Variants in BMPER observed in about 807,000 individuals in gnomAD.
BMPER encodes the protein BMP binding endothelial regulator.
Under a neutral mutation model 87.3 loss-of-function variants are expected in BMPER, and 45 were observed. The observed-to-expected ratio is 0.52, with a 90% confidence interval of 0.41 to 0.66. BMPER has a LOEUF of 0.66. BMPER is among the 30% of genes least tolerant of loss of function. BMPER has a pLI of 0.00. For missense variants in BMPER, 784 were observed against 867.5 expected (o/e 0.90, Z 1.21); for synonymous variants, 326 against 316.2 (o/e 1.03, Z -0.33).
At chr7:34,013,757 T>C (rs1292819730) in intron 6 of BMPER, among the ~76,000 whole-genome samples, 1 of 151,878 alleles carries the variant, frequency 6.6e-6, no homozygotes, top group Non-Finnish European at 1.5e-5. Context: ...ATTTGTGGGT[T>C]CAGATGTTAG....
rs59317227 is a variant in BMPER at position 33,937,489 on chromosome 7, C to T, written c.319+101C>T. 4.2e-3 allele frequency: 4,948 copies of T among 1,167,782 alleles called. 144 individuals are homozygous for T. The African/African-American group carries it at 0.066, about 16-fold the overall frequency. 72.3% of individuals were successfully genotyped at this position (1,167,782 alleles called of 1,614,324 possible). A position where few individuals can be genotyped will look rare whatever the true frequency, so the allele number is the denominator to read the frequency against. ...TTTCACTCAGCTTTTGGCTGGGGTG[C>T]ACATGGGTGGGGAGGAGAAGTAGGG... is the stretch of plus-strand genomic sequence containing the variant. On this transcript the variant is annotated intron_variant, in intron 3 of 14. Coordinates refer to ENST00000649409, the MANE Select transcript of BMPER (RefSeq NM_001365308.1).
chr7:34,040,293 G>A (rs757841458), intron 6 of BMPER, among the ~76,000 whole-genome samples: 3 of 152,176 alleles, frequency 2.0e-5, no homozygotes, highest in Non-Finnish European at 1.5e-5. Flanking sequence ...GAAGGAACCA[G>A]TCCCTTATCT....
chr7:34,124,502 TG>T (rs1305497505), intron 13 of BMPER, among the ~76,000 whole-genome samples: 1 of 152,082 alleles, frequency 6.6e-6, no homozygotes, highest in Non-Finnish European at 1.5e-5. Flanking sequence ...TGGGTCTTTT[TG>T]TATAGTTTAA....
intron 6 of BMPER, among the ~76,000 whole-genome samples, chr7:34,031,927 T>TATATAC (rs767536977): frequency 6.3e-4 from 35 of 55,428 alleles, no homozygotes; most frequent in South Asian, 8.1e-4. Context: ...TATATATATA[T>TATATAC]ACACACACAC....
chr7:33,913,842 A>G (rs1784022678), intron 2 of BMPER, among the ~76,000 whole-genome samples: 1 of 152,126 alleles, frequency 6.6e-6, no homozygotes, highest in East Asian at 1.9e-4. Flanking sequence ...TTGGAGCACC[A>G]GCTCTCTCCT....
chr7:33,927,505 TA>T (rs1487610803), intron 2 of BMPER, among the ~76,000 whole-genome samples: 3 of 152,220 alleles, frequency 2.0e-5, no homozygotes, highest in African/African-American at 7.2e-5. Flanking sequence ...TGTGCATATT[TA>T]AAAGGTCCAT....
At chr7:34,105,551 A>G (rs537351530) in intron 13 of BMPER, among the ~76,000 whole-genome samples, 31 of 152,296 alleles carry the variant, frequency 2.0e-4, no homozygotes, top group Admixed American at 4.6e-4. Flanking sequence ...TTGATCGTCA[A>G]CTCACAAGTC....
intron 6 of BMPER, among the ~76,000 whole-genome samples, chr7:34,030,214 TTAAC>T (rs1462099490): frequency 8.5e-5 from 13 of 152,206 alleles, no homozygotes; most frequent in African/African-American, 3.1e-4. Context: ...ATAGACTTGT[TTAAC>T]TAATAATTGT....
intron 7 of BMPER, among the ~76,000 whole-genome samples, chr7:34,051,524 T>C (rs1788145569): frequency 6.6e-6 from 1 of 152,222 alleles, no homozygotes; most frequent in Admixed American, 6.5e-5. Flanking sequence ...TACTGTTGTA[T>C]TGAAACAGCC....
At chr7:34,028,054 G>T (rs555645148) in intron 6 of BMPER, among the ~76,000 whole-genome samples, 1 of 151,814 alleles carries the variant, frequency 6.6e-6, no homozygotes, top group African/African-American at 2.4e-5. Context: ...GTTTTATATT[G>T]GTATAATATC....
At chr7:34,117,257 G>T (rs558745351) in intron 13 of BMPER, among the ~76,000 whole-genome samples, 130 of 152,266 alleles carry the variant, frequency 8.5e-4, no homozygotes, top group Non-Finnish European at 1.6e-3. Flanking sequence ...AGCTACCTCA[G>T]AAACTTAGTG....
rs200214350 is a variant in BMPER, at chr7:34,024,384, AAT to A, written c.577-21873_577-21872del. Among the ~76,000 whole-genome samples the A allele has an allele frequency of 3.3e-3, 77 of 23,386 alleles. 3 individuals are homozygous for A. Among genetic ancestry groups the A allele is most frequent in the South Asian group, 5.6e-3 (2 of 354 alleles). The allele number at this position is 23,386 out of a possible 152,430, so 15.3% of individuals were successfully genotyped here. A position where few individuals can be genotyped will look rare whatever the true frequency, so the allele number is the denominator to read the frequency against. ...AAAAAAAAAAAAAAAAAAAAAAAAC[AAT>A]ATATATATATATATATATATATATA... On this transcript the variant is annotated intron_variant, in intron 6 of 14. Coordinates refer to ENST00000649409, the MANE Select transcript of BMPER (RefSeq NM_001365308.1).
chr7:34,045,300 G>A (rs1787932406), intron 6 of BMPER, among the ~76,000 whole-genome samples: 1 of 152,126 alleles, frequency 6.6e-6, no homozygotes, highest in Non-Finnish European at 1.5e-5. Flanking sequence ...TTGCCCGTTG[G>A]ACGTAAATCA....
intron 6 of BMPER, among the ~76,000 whole-genome samples, chr7:34,024,403 A>AC (rs1787299739): frequency 2.8e-5 from 1 of 35,212 alleles, no homozygotes; most frequent in African/African-American, 1.3e-4. Context: ...ATATATATAT[A>AC]TATATATATA....
intron 5 of BMPER, among the ~76,000 whole-genome samples, chr7:33,972,255 C>G (rs1785569217): frequency 6.6e-6 from 1 of 152,138 alleles, no homozygotes; most frequent in Non-Finnish European, 1.5e-5. Flanking sequence ...CTCCTCATAA[C>G]CATGGGATCT....
intron 6 of BMPER, among the ~76,000 whole-genome samples, chr7:34,027,242 A>G (rs1178062471): frequency 6.6e-6 from 1 of 152,132 alleles, no homozygotes; most frequent in Non-Finnish European, 1.5e-5. Flanking sequence ...TATTTTTATT[A>G]TAACACAAAG....
At chr7:34,055,763 G>A (rs1429824911) in intron 9 of BMPER, among the ~76,000 whole-genome samples, 1 of 152,216 alleles carries the variant, frequency 6.6e-6, no homozygotes. Context: ...AATAGTGTAT[G>A]TAGTTGAGCC....
intron 7 of BMPER, among the ~76,000 whole-genome samples, chr7:34,049,886 A>G (rs1015896165): frequency 6.6e-6 from 1 of 152,186 alleles, no homozygotes; most frequent in Non-Finnish European, 1.5e-5. Context: ...CATCATTTTT[A>G]TAGTAAATAC....
At chr7:34,071,489 C>T (rs557612396) in intron 11 of BMPER, among the ~76,000 whole-genome samples, 7 of 152,198 alleles carry the variant, frequency 4.6e-5, no homozygotes, top group Non-Finnish European at 8.8e-5. Flanking sequence ...TCAATGACTG[C>T]CAAGCTCCAA....
Sources: allele counts gnomAD v4.1 joint callset (sites outside exome capture counted in the v4.1 genomes callset), GRCh38; gene constraint gnomAD v4.1.1; transcripts MANE v1.5; gene names NCBI Gene and HGNC (gene_info 2026-07-23, HGNC 2026-07-21).